The following SIL1 variants were observed in gnomAD, a reference collection of about 807,000 sequenced individuals.
SIL1 encodes nucleotide exchange factor SIL1.
Under a neutral mutation model 49.1 loss-of-function variants are expected in SIL1, and 40 were observed. The observed-to-expected ratio is 0.81, with a 90% CI of 0.63 to 1.06. The LOEUF (loss-of-function observed/expected upper bound fraction) is 1.06. SIL1 is among the 50% of genes least tolerant of loss of function. The probability of loss-of-function intolerance (pLI) is 0.00; values close to 1 mark genes in which losing one functional copy is unlikely to be tolerated. For synonymous variants in SIL1, 253 were observed against 250.8 expected, an observed-to-expected ratio of 1.01 and a Z score of -0.08; for missense variants, 500 against 572.6, an observed-to-expected ratio of 0.87 and a Z score of 1.29.
chr5:139,056,596 G>C (rs1476098926), intron 3 of SIL1, among the ~76,000 whole-genome samples: 1 of 147,242 alleles, frequency 6.8e-6, no homozygotes, highest in Admixed American at 6.6e-5. Flanking sequence ...GGAGGGAGGT[G>C]GGGGGGTCAG....
At chr5:139,177,791 GA>G (rs1331071690) in intron 1 of SIL1, among the ~76,000 whole-genome samples, 1 of 152,244 alleles carries the variant, frequency 6.6e-6, no homozygotes, top group East Asian at 1.9e-4. Flanking sequence ...CACACAGTGG[GA>G]GGAACAACTC....
intron 5 of SIL1, among the ~76,000 whole-genome samples, chr5:139,034,913 A>G (rs116814180): frequency 0.011 from 1,668 of 152,288 alleles, 38 homozygotes; most frequent in African/African-American, 0.038. Flanking sequence ...TTTTCTCTAC[A>G]ACCCTTGCCA....
intron 7 of SIL1, among the ~76,000 whole-genome samples, chr5:138,966,710 A>G (rs1174819402): frequency 2.6e-5 from 4 of 152,154 alleles, no homozygotes; most frequent in African/African-American, 7.2e-5. Flanking sequence ...GTGCTTTTCA[A>G]GCATTAAATC....
chr5:139,105,977 G>C (rs1428393404), intron 3 of SIL1, among the ~76,000 whole-genome samples: 2 of 152,234 alleles, frequency 1.3e-5, no homozygotes, highest in Non-Finnish European at 2.9e-5. Flanking sequence ...GTGCCAAACT[G>C]TCTGTAAAGG....
chr5:139,027,838 G>A (rs528452521), intron 5 of SIL1, among the ~76,000 whole-genome samples: 7 of 152,272 alleles, frequency 4.6e-5, no homozygotes, highest in African/African-American at 1.7e-4. Flanking sequence ...GCCGGATGAT[G>A]AACAGCTGTC....
chr5:139,176,019 A>G (rs1361922341), intron 1 of SIL1, among the ~76,000 whole-genome samples: 2 of 151,980 alleles, frequency 1.3e-5, no homozygotes, highest in East Asian at 3.8e-4. Context: ...TTTGTGAGAC[A>G]GTGTCTCACT....
At chr5:138,970,418 T>C (rs1209750520) in intron 7 of SIL1, among the ~76,000 whole-genome samples, 1 of 152,228 alleles carries the variant, frequency 6.6e-6, no homozygotes, top group East Asian at 1.9e-4. Context: ...GGAAGTTGTT[T>C]TGTATTAGTT....
intron 3 of SIL1, among the ~76,000 whole-genome samples, chr5:139,086,478 C>T (rs1299961058): frequency 6.6e-6 from 1 of 151,706 alleles, no homozygotes; most frequent in Admixed American, 6.6e-5. Flanking sequence ...AATTCTCCTG[C>T]CTCAGCCTCC....
intron 3 of SIL1, among the ~76,000 whole-genome samples, chr5:139,067,424 T>C (rs1769730669): frequency 6.6e-6 from 1 of 152,192 alleles, no homozygotes; most frequent in African/African-American, 2.4e-5. Flanking sequence ...CAGGATTTGA[T>C]GAACTATTGG....
At chr5:138,952,970 T>G (rs1405056974) in intron 7 of SIL1, among the ~76,000 whole-genome samples, 3 of 152,282 alleles carry the variant, frequency 2.0e-5, no homozygotes, top group African/African-American at 7.2e-5. Context: ...GGCTCCCCTC[T>G]CAGCAGCCCA....
At chr5:139,171,211 T>C (rs1314528703) in intron 1 of SIL1, among the ~76,000 whole-genome samples, 1 of 152,216 alleles carries the variant, frequency 6.6e-6, no homozygotes, top group African/African-American at 2.4e-5. Context: ...ACCCAACAGC[T>C]CATTGAGAAC....
intron 1 of SIL1, chr5:139,137,583 GGTTT>G: frequency 2.6e-6 from 1 of 390,364 alleles, no homozygotes; most frequent in African/African-American, 2.1e-5. Context: ...ACAATGTGCA[GGTTT>G]GTTACATATG....
intron 3 of SIL1, among the ~76,000 whole-genome samples, chr5:139,058,482 G>A (rs1349010964): frequency 6.6e-6 from 1 of 152,104 alleles, no homozygotes; most frequent in Non-Finnish European, 1.5e-5. Context: ...CATCTAATGG[G>A]AATTTGCTAC....
chr5:139,145,802 ATTGC>A (rs1478251999), intron 1 of SIL1, among the ~76,000 whole-genome samples: 3 of 151,950 alleles, frequency 2.0e-5, no homozygotes, highest in Non-Finnish European at 4.4e-5. Context: ...AAGGACAAAT[ATTGC>A]TGGGTGTGGT....
At chr5:139,024,613 C>T (rs1032429935) in intron 6 of SIL1, among the ~76,000 whole-genome samples, 8 of 152,314 alleles carry the variant, frequency 5.3e-5, no homozygotes, top group African/African-American at 1.9e-4. Flanking sequence ...CTCAAACAAG[C>T]CTTTGATTAT....
At chr5:138,962,456 C>T (rs532297897) in intron 7 of SIL1, among the ~76,000 whole-genome samples, 40 of 152,270 alleles carry the variant, frequency 2.6e-4, no homozygotes, top group South Asian at 2.1e-3. Flanking sequence ...CTCTGTACCT[C>T]AGTTTCTGCA....
intron 3 of SIL1, among the ~76,000 whole-genome samples, chr5:139,084,039 T>C (rs1320694095): frequency 1.4e-5 from 2 of 140,548 alleles, no homozygotes; most frequent in African/African-American, 2.7e-5. Context: ...CATTGATCTA[T>C]ATCTCTGTTT....
At chr5:139,179,467 T>C (rs1751943302) in intron 1 of SIL1, among the ~76,000 whole-genome samples, 1 of 152,110 alleles carries the variant, frequency 6.6e-6, no homozygotes, top group African/African-American at 2.4e-5. Flanking sequence ...AGAAAAGCAA[T>C]ATCAGCAACT....
chr5:138,963,801 T>C (rs1461041429), intron 7 of SIL1, among the ~76,000 whole-genome samples: 1 of 152,200 alleles, frequency 6.6e-6, no homozygotes, highest in Admixed American at 6.5e-5. Flanking sequence ...TGGGGGCGGA[T>C]CAACATGGCC....
Sources: gnomAD v4.1 joint callset for allele counts (sites outside exome capture counted in the v4.1 genomes callset) on GRCh38, gnomAD v4.1.1 for gene constraint, MANE v1.5 for transcripts, NCBI Gene and HGNC (gene_info 2026-07-23, HGNC 2026-07-21) for gene names.